The following KCNIP4 variants were observed in gnomAD, a reference collection of about 807,000 sequenced individuals.
KCNIP4 encodes potassium voltage-gated channel interacting protein 4, also known as Kv channel-interacting protein 4.
In KCNIP4, 12 loss-of-function variants were observed where a neutral mutation model predicts 34.0. The observed-to-expected ratio is 0.35, with a 90% confidence interval of 0.23 to 0.57. KCNIP4 has a LOEUF of 0.57. KCNIP4 is among the 20% of genes least tolerant of loss of function. KCNIP4 has a pLI of 0.83. For synonymous variants in KCNIP4, 124 were observed against 102.2 expected (o/e 1.21, Z -1.29); for missense variants, 238 against 311.7 (o/e 0.76, Z 1.78).
intron 1 of KCNIP4, among the ~76,000 whole-genome samples, chr4:21,915,570 C>A (rs1003639000): frequency 8.5e-5 from 13 of 152,196 alleles, no homozygotes; most frequent in African/African-American, 3.1e-4. Flanking sequence ...TTTATCAATT[C>A]TTCCCTTATA....
chr4:21,429,441 C>T (rs1378165171), intron 1 of KCNIP4, among the ~76,000 whole-genome samples: 4 of 150,250 alleles, frequency 2.7e-5, no homozygotes, highest in Non-Finnish European at 5.9e-5. Flanking sequence ...AGCTGCCATA[C>T]ACACTCACTA....
intron 1 of KCNIP4, among the ~76,000 whole-genome samples, chr4:21,259,168 C>T (rs1190879058): frequency 1.3e-5 from 2 of 152,178 alleles, no homozygotes; most frequent in African/African-American, 4.8e-5. Flanking sequence ...CACCACTTTT[C>T]CACTTCAAGA....
chr4:21,328,033 C>T (rs994213593), intron 1 of KCNIP4, among the ~76,000 whole-genome samples: 2 of 152,108 alleles, frequency 1.3e-5, no homozygotes, highest in African/African-American at 4.8e-5. Context: ...ACACATAACT[C>T]TCTCTTTCCA....
intron 1 of KCNIP4, among the ~76,000 whole-genome samples, chr4:21,336,467 TTCA>T (rs1716189952): frequency 6.6e-6 from 1 of 152,146 alleles, no homozygotes; most frequent in Admixed American, 6.5e-5. Flanking sequence ...TTTTATTCTA[TTCA>T]TCAAGGTATA....
chr4:21,504,475 A>AAAAAAAAAAAAAAAAAAAAAAAG (rs1264431211), intron 1 of KCNIP4, among the ~76,000 whole-genome samples: 1 of 101,850 alleles, frequency 9.8e-6, no homozygotes, highest in African/African-American at 3.9e-5. Context: ...CAAAAAAAAA[A>AAAAAAAAAAAAAAAAAAAAAAAG]AAAGAAAGAA....
intron 3 of KCNIP4, among the ~76,000 whole-genome samples, chr4:20,806,251 C>T (rs1044514629): frequency 2.0e-5 from 3 of 151,678 alleles, no homozygotes; most frequent in Admixed American, 1.3e-4. Context: ...TTGCCTTTAC[C>T]TTTTTTGAGT....
chr4:21,215,436 G>A (rs1489157733), intron 1 of KCNIP4, among the ~76,000 whole-genome samples: 1 of 152,164 alleles, frequency 6.6e-6, no homozygotes, highest in Non-Finnish European at 1.5e-5. Context: ...TCTTTTCCTA[G>A]TAACACTTTC....
chr4:21,834,074 G>A (rs1283607488), intron 1 of KCNIP4, among the ~76,000 whole-genome samples: 4 of 152,098 alleles, frequency 2.6e-5, no homozygotes, highest in East Asian at 3.9e-4. Flanking sequence ...TGGCTATGTG[G>A]GCTCTTTTTT....
intron 1 of KCNIP4, among the ~76,000 whole-genome samples, chr4:21,879,963 G>T (rs2109382472): frequency 6.6e-6 from 1 of 152,238 alleles, no homozygotes; most frequent in East Asian, 1.9e-4. Context: ...GTCATGCAAA[G>T]AAGGATGTGT....
At chr4:21,773,345 C>T (rs1425252057) in intron 1 of KCNIP4, among the ~76,000 whole-genome samples, 2 of 152,074 alleles carry the variant, frequency 1.3e-5, no homozygotes, top group Non-Finnish European at 2.9e-5. Context: ...AGTATGTGGT[C>T]AATTTTAGAA....
At chr4:21,759,006 G>A (rs1004494900) in intron 1 of KCNIP4, among the ~76,000 whole-genome samples, 1 of 152,050 alleles carries the variant, frequency 6.6e-6, no homozygotes, top group African/African-American at 2.4e-5. Context: ...CACTTTGAAT[G>A]GGTTCTGGCA....
chr4:21,057,421 G>C (rs1285160349), intron 1 of KCNIP4, among the ~76,000 whole-genome samples: 1 of 152,024 alleles, frequency 6.6e-6, no homozygotes, highest in Non-Finnish European at 1.5e-5. Flanking sequence ...GGAAACCTTT[G>C]TTAGCCTAAA....
chr4:21,166,938 C>CAAAAAAAAAAAAAAAAAAAAAAAAAAAAA (rs55649635), intron 1 of KCNIP4, among the ~76,000 whole-genome samples: 2 of 37,544 alleles, frequency 5.3e-5, no homozygotes, highest in African/African-American at 2.1e-4. Flanking sequence ...CACTCCATCT[C>CAAAAAAAAAAAAAAAAAAAAAAAAAAAAA]AAAAAAAAAA....
At chr4:20,839,559 G>A (rs1388322) in intron 3 of KCNIP4, among the ~76,000 whole-genome samples, 58,433 of 149,742 alleles carry the variant, frequency 0.39, 11,939 homozygotes, top group Non-Finnish European at 0.46. Context: ...TGTACATAAT[G>A]TGAATCAAAG....
At chr4:21,130,250 T>A (rs1012258867) in intron 1 of KCNIP4, among the ~76,000 whole-genome samples, 1 of 152,086 alleles carries the variant, frequency 6.6e-6, no homozygotes, top group African/African-American at 2.4e-5. Flanking sequence ...TTGCAGAGAG[T>A]CTTAATCAGT....
chr4:21,004,589 A>C (rs1295742559), intron 1 of KCNIP4, among the ~76,000 whole-genome samples: 1 of 152,206 alleles, frequency 6.6e-6, no homozygotes, highest in Non-Finnish European at 1.5e-5. Flanking sequence ...ACAGAAGAGG[A>C]GGAGCCTACA....
intron 1 of KCNIP4, among the ~76,000 whole-genome samples, chr4:20,926,569 C>T (rs1453953395): frequency 6.6e-6 from 1 of 152,180 alleles, no homozygotes; most frequent in Non-Finnish European, 1.5e-5. Flanking sequence ...CTAGAGCTTA[C>T]AATTTAAAAT....
At chr4:21,424,152 T>G (rs1725739497) in intron 1 of KCNIP4, among the ~76,000 whole-genome samples, 1 of 151,882 alleles carries the variant, frequency 6.6e-6, no homozygotes, top group South Asian at 2.1e-4. Flanking sequence ...TTCCTTATTT[T>G]CCCAAGACTT....
At chr4:21,629,849 C>CTTTTTTTTTTTTTTTTTTTTTTTTTT (rs5856652) in intron 1 of KCNIP4, among the ~76,000 whole-genome samples, 1 of 87,802 alleles carries the variant, frequency 1.1e-5, no homozygotes, top group Non-Finnish European at 2.0e-5. Context: ...CTTTTTCTTT[C>CTTTTTTTTTTTTTTTTTTTTTTTTTT]TTTTTTTTTT....
Sources: allele counts gnomAD v4.1 joint callset (sites outside exome capture counted in the v4.1 genomes callset), GRCh38; gene constraint gnomAD v4.1.1; transcripts MANE v1.5; gene names NCBI Gene and HGNC (gene_info 2026-07-23, HGNC 2026-07-21).